MTREX: variants seen among roughly 807,000 people sequenced by gnomAD.
The protein encoded by MTREX is Mtr4 exosome RNA helicase, also known as exosome RNA helicase MTR4.
In MTREX, 76 loss-of-function variants were observed where a neutral mutation model predicts 135.4. The ratio of observed to expected loss-of-function variants is 0.56; its 90% confidence interval spans 0.47 to 0.68. The LOEUF (loss-of-function observed/expected upper bound fraction) is 0.68. Among genes scored for constraint, MTREX ranks in the 30% least tolerant of loss-of-function variants. MTREX has a pLI of 0.00. For synonymous variants in MTREX, 404 were observed against 401.6 expected, an observed-to-expected ratio of 1.01 and a Z score of -0.07; for missense variants, 920 against 1,262.1, an observed-to-expected ratio of 0.73 and a Z score of 4.11.
chr5:55,345,792 C>G (rs1188611230), intron 10 of MTREX, among the ~76,000 whole-genome samples: 5 of 151,440 alleles, frequency 3.3e-5, no homozygotes, highest in Admixed American at 2.6e-4. Context: ...CTCAGCCTCC[C>G]AAGTAGCTGG....
intron 18 of MTREX, among the ~76,000 whole-genome samples, chr5:55,379,838 A>G (rs1205172125): frequency 6.6e-6 from 1 of 152,236 alleles, no homozygotes; most frequent in Admixed American, 6.5e-5. Flanking sequence ...CTCATTCCAT[A>G]ACTTGTTTGT....
rs1407421412 is a variant in MTREX at position 55,366,793 on chromosome 5, A to G, written c.1728A>G (p.Val576=). The change falls in exon 16 of 27, where the codon GTA becomes GTG. Residue 576 remains valine, a synonymous_variant. Transcript: ENST00000230640. ...TYNMVLNLLR[V]EEINPEYMLE... ...ACATGGTTTTGAACTTACTACGTGT[A>G]GAAGAAATTAATCCTGAGTACATGT... 6 of 1,611,538 alleles carry G rather than the reference A, an allele frequency of 3.7e-6. No homozygotes were observed. The highest frequency in any genetic ancestry group is 5.1e-6 in the Non-Finnish European group (6 of 1,178,656).
At chr5:55,319,805 A>G (rs900667846) in intron 1 of MTREX, among the ~76,000 whole-genome samples, 1 of 152,206 alleles carries the variant, frequency 6.6e-6, no homozygotes, top group African/African-American at 2.4e-5. Flanking sequence ...ATAATGTAGC[A>G]CTTCTGACCA....
intron 22 of MTREX, among the ~76,000 whole-genome samples, chr5:55,407,780 A>C (rs1359239071): frequency 1.3e-5 from 2 of 151,604 alleles, no homozygotes; most frequent in African/African-American, 4.9e-5. Flanking sequence ...TTGAGATGGG[A>C]TTTTGCTCTG....
rs189217146 is a variant in MTREX, at chr5:55,320,826, G to A, written c.135-1501G>A. Among the ~76,000 whole-genome samples the A allele has an allele frequency of 4.8e-3, 730 of 152,238 alleles. 7 individuals are homozygous for A. The highest frequency in any genetic ancestry group is 0.016 in the African/African-American group (666 of 41,546). Reference sequence around the variant, plus strand: ...GTGACTGTTTTGTTACGGGATCAGAGGGGCAAAGTCACAATTTTCCGAAAA... The same window carrying A: ...GTGACTGTTTTGTTACGGGATCAGAAGGGCAAAGTCACAATTTTCCGAAAA... On this transcript the variant is annotated intron_variant, in intron 1 of 26. Transcript: ENST00000230640.
intron 16 of MTREX, among the ~76,000 whole-genome samples, chr5:55,367,545 A>G (rs1468250820): frequency 1.3e-5 from 2 of 151,990 alleles, no homozygotes; most frequent in Admixed American, 6.6e-5. Context: ...TTCTCATTAT[A>G]AAAGAGTGCC....
chr5:55,388,194 C>G (rs1224898890), intron 19 of MTREX, 92 bp downstream of exon 19: 1 of 1,118,316 alleles, frequency 8.9e-7, no homozygotes, highest in Admixed American at 2.7e-5. Context: ...AATGAACATA[C>G]TATCATGATT....
intron 18 of MTREX, among the ~76,000 whole-genome samples, chr5:55,383,084 C>A (rs1313837916): frequency 6.6e-6 from 1 of 152,186 alleles, no homozygotes; most frequent in Non-Finnish European, 1.5e-5. Context: ...TAACCTTAAA[C>A]AGTTTTGCTC....
rs535610246 is a variant in MTREX at position 55,338,896 on chromosome 5, T to C, written c.516-1114T>C. Among the ~76,000 whole-genome samples, 4 of 149,720 alleles carry C rather than the reference T, an allele frequency of 2.7e-5. No individual in the cohort carries two copies. In the South Asian group the frequency reaches 8.5e-4, roughly 32 times the overall value. The stretch of plus-strand genomic sequence containing the variant: ...GCCTCCACCTCCTGGATTCAAGCAG[T>C]TCTCCTTCTTCAGCCTGCCAAGTAG... On this transcript the variant is annotated intron_variant, in intron 5 of 26. Coordinates refer to ENST00000230640, the MANE Select transcript of MTREX (RefSeq NM_015360.5).
intron 5 of MTREX, among the ~76,000 whole-genome samples, chr5:55,337,332 A>G (rs1462390620): frequency 6.6e-6 from 1 of 151,830 alleles, no homozygotes; most frequent in African/African-American, 2.4e-5. Flanking sequence ...TATTTTTTGT[A>G]GCGACAGGGT....
chr5:55,372,858 A>G (rs1266946930), intron 16 of MTREX, among the ~76,000 whole-genome samples: 3 of 150,138 alleles, frequency 2.0e-5, no homozygotes, highest in African/African-American at 7.5e-5. Flanking sequence ...AGAAGAAAAA[A>G]AGAAATTGGA....
intron 17 of MTREX, among the ~76,000 whole-genome samples, 173 bp downstream of exon 17, chr5:55,378,659 C>T (rs928803017): frequency 2.0e-5 from 3 of 152,072 alleles, no homozygotes; most frequent in Non-Finnish European, 4.4e-5. Context: ...GGGGCTTATG[C>T]AAAGGCCTTT....
chr5:55,417,591 T>TA (rs1203321374), intron 25 of MTREX, among the ~76,000 whole-genome samples: 1 of 152,160 alleles, frequency 6.6e-6, no homozygotes, highest in African/African-American at 2.4e-5. Flanking sequence ...TCTAATTAGT[T>TA]AATGGTGTTT....
intron 25 of MTREX, among the ~76,000 whole-genome samples, chr5:55,417,286 A>G (rs931661278): frequency 5.3e-5 from 8 of 152,210 alleles, no homozygotes; most frequent in African/African-American, 1.9e-4. Context: ...AGAGCTCTGT[A>G]TAATTTACAT....
intron 1 of MTREX, among the ~76,000 whole-genome samples, chr5:55,313,476 A>T (rs537753147): frequency 8.5e-5 from 13 of 152,152 alleles, no homozygotes; most frequent in African/African-American, 3.1e-4. Context: ...CCTGCTGACA[A>T]TTACATAATT....
chr5:55,413,261 C>T (rs917850893), intron 23 of MTREX, among the ~76,000 whole-genome samples: 5 of 150,002 alleles, frequency 3.3e-5, no homozygotes, highest in African/African-American at 2.5e-5. Context: ...CGCTTGAACC[C>T]GGGAGGTGGA....
intron 18 of MTREX, among the ~76,000 whole-genome samples, chr5:55,380,691 A>AT (rs1750382868): frequency 6.6e-6 from 1 of 151,656 alleles, no homozygotes; most frequent in Admixed American, 6.6e-5. Flanking sequence ...GTTTTTGAGG[A>AT]TTTTTTATGC....
intron 16 of MTREX, among the ~76,000 whole-genome samples, chr5:55,374,291 A>AAT (rs1750258250): frequency 7.2e-6 from 1 of 138,920 alleles, no homozygotes; most frequent in South Asian, 2.2e-4. Flanking sequence ...TATATAAACA[A>AAT]TTTTTTTTTT....
At chr5:55,352,693 A>G (rs1749848428) in intron 13 of MTREX, among the ~76,000 whole-genome samples, 1 of 152,186 alleles carries the variant, frequency 6.6e-6, no homozygotes, top group Non-Finnish European at 1.5e-5. Context: ...CAGTGACTTT[A>G]CTTATACATA....
Sources: allele counts gnomAD v4.1 joint callset (sites outside exome capture counted in the v4.1 genomes callset), GRCh38; gene constraint gnomAD v4.1.1; transcripts MANE v1.5; gene names NCBI Gene and HGNC (gene_info 2026-07-23, HGNC 2026-07-21).